Variants in SYNJ2 observed in about 807,000 individuals in gnomAD.
The protein encoded by SYNJ2 is synaptojanin 2.
A neutral mutation model predicts 141.3 loss-of-function variants in SYNJ2; 116 were observed. The ratio of observed to expected loss-of-function variants is 0.82; its 90% CI spans 0.71 to 0.96. SYNJ2 has a LOEUF of 0.96. Among genes scored for constraint, SYNJ2 ranks in the 40% least tolerant of loss-of-function variants. The probability of loss-of-function intolerance (pLI) is 0.00; values close to 1 mark genes in which losing one functional copy is unlikely to be tolerated. For synonymous variants in SYNJ2, 745 were observed against 777.7 expected (o/e 0.96, Z 0.70); for missense variants, 1,873 against 1,934.8 (o/e 0.97, Z 0.60).
At chr6:157,992,401 C>CTTTT (rs57905567) in intron 1 of SYNJ2, among the ~76,000 whole-genome samples, 16 of 120,384 alleles carry the variant, frequency 1.3e-4, no homozygotes, top group Middle Eastern at 5.0e-3. Context: ...TGGCTTGTTT[C>CTTTT]TTTTTTTTTT....
At chr6:158,086,233 G>A (rs1783028345) in intron 22 of SYNJ2, among the ~76,000 whole-genome samples, 1 of 152,156 alleles carries the variant, frequency 6.6e-6, no homozygotes, top group African/African-American at 2.4e-5. Context: ...TGCTTTGGGG[G>A]AGCCCTAGGG....
At chr6:158,038,923 T>C (rs988355590) in intron 4 of SYNJ2, among the ~76,000 whole-genome samples, 2 of 152,284 alleles carry the variant, frequency 1.3e-5, no homozygotes, top group Non-Finnish European at 2.9e-5. Flanking sequence ...ACAGGTGAAC[T>C]GGAAGAGCAG....
At chr6:158,062,316 C>T in intron 8 of SYNJ2, 152 bp downstream of exon 8, 1 of 1,279,364 alleles carries the variant, frequency 7.8e-7, no homozygotes, top group Non-Finnish European at 1.0e-6. Context: ...AGCTTCCTTC[C>T]CTCCCCACTC....
At chr6:158,080,198 T>C (rs1440179317) in intron 18 of SYNJ2, among the ~76,000 whole-genome samples, 2 of 152,152 alleles carry the variant, frequency 1.3e-5, no homozygotes, top group Non-Finnish European at 2.9e-5. Context: ...CATTTTGGCC[T>C]GGCGCAGTGG....
intron 23 of SYNJ2, 72 bp downstream of exon 23, chr6:158,087,061 C>G: frequency 6.5e-7 from 1 of 1,532,644 alleles, no homozygotes; most frequent in Admixed American, 1.8e-5. Flanking sequence ...CTACTGAAAA[C>G]ACGGCTCCGA....
rs1781474995 is a variant in SYNJ2, at chr6:158,064,987, C to T, written c.1521C>T (p.Leu507=). ...GCATGCTGCTGGACAGCACGGCGCT[C>T]CTGGGTAGGGCCTGCCGCAGACAGG... ...KGGMLLDSTA[L]LVTPRILKAM... is the part of the protein sequence containing the mutation. Residue 507 remains leucine, a synonymous_variant, in exon 11 of 27, where the codon CTC becomes CTT. Coordinates refer to ENST00000355585, the MANE Select transcript of SYNJ2 (RefSeq NM_003898.4). 6.4e-7 allele frequency: 1 copy of T among 1,569,714 alleles called. No individual in the cohort carries two copies. Among genetic ancestry groups the T allele is most frequent in the Non-Finnish European group, 8.6e-7 (1 of 1,156,260 alleles).
chr6:158,018,499 T>C (rs866874207), intron 2 of SYNJ2, among the ~76,000 whole-genome samples: 1 of 152,210 alleles, frequency 6.6e-6, no homozygotes, highest in Non-Finnish European at 1.5e-5. Flanking sequence ...TTTCAGAGAC[T>C]GAGGATGTTT....
At chr6:158,080,494 A>T (rs1295600497) in intron 18 of SYNJ2, among the ~76,000 whole-genome samples, 7 of 150,074 alleles carry the variant, frequency 4.7e-5, no homozygotes, top group Non-Finnish European at 8.9e-5. Context: ...AAAAAAAAAA[A>T]AACGAGCATT....
In SYNJ2 at chr6:158,083,521, C is replaced by T; in HGVS notation, c.2958C>T (p.Ala986=). 3.1e-6 allele frequency: 5 copies of T among 1,614,130 alleles called. No homozygotes were observed. The highest frequency in any genetic ancestry group is 4.2e-6 in the Non-Finnish European group (5 of 1,180,028). The change falls in exon 21 of 27, where the codon GCC becomes GCT. Residue 986 remains alanine (A), a synonymous_variant. Coordinates refer to ENST00000355585, the MANE Select transcript of SYNJ2 (RefSeq NM_003898.4). ...EEIIRKRDSM[A]PVSPTANSCL... The stretch of plus-strand genomic sequence containing the variant: ...TCATTCGGAAACGAGACAGCATGGC[C>T]CCCGTGTCTCCCACTGCCAACTCCT...
chr6:158,057,621 A>G (rs1780948634), intron 6 of SYNJ2, among the ~76,000 whole-genome samples: 2 of 152,246 alleles, frequency 1.3e-5, no homozygotes, highest in African/African-American at 2.4e-5. Context: ...AATAGTGAGT[A>G]ATAATGAGTA....
chr6:158,081,051 C>T (rs1196601677), intron 18 of SYNJ2, 58 bp from the exon 19 acceptor site: 21 of 1,536,028 alleles, frequency 1.4e-5, no homozygotes, highest in Admixed American at 1.7e-5. Context: ...GACTGGAGGC[C>T]GGGGGTGTGG....
intron 24 of SYNJ2, 27 bp from the exon 25 acceptor site, chr6:158,089,812 T>C (rs763995641): frequency 6.3e-7 from 1 of 1,580,462 alleles, no homozygotes; most frequent in Non-Finnish European, 8.7e-7. Context: ...CTGCTGATAC[T>C]CTGCTCTTCC....
At chr6:158,067,882 C>T (rs1456768767) in intron 12 of SYNJ2, 15 of 985,186 alleles carry the variant, frequency 1.5e-5, no homozygotes, top group Admixed American at 6.2e-5. Flanking sequence ...CCCATCAACG[C>T]GGAGAGTGCT....
At chr6:158,094,275 C>A (rs992809776) in intron 26 of SYNJ2, among the ~76,000 whole-genome samples, 1 of 151,786 alleles carries the variant, frequency 6.6e-6, no homozygotes, top group African/African-American at 2.4e-5. Context: ...TCCCAATAAA[C>A]CCATCGTAAG....
At chr6:158,091,442 TA>T (rs933160748) in intron 25 of SYNJ2, among the ~76,000 whole-genome samples, 102 of 144,158 alleles carry the variant, frequency 7.1e-4, no homozygotes, top group Middle Eastern at 3.5e-3. Flanking sequence ...GTTCAGCCAT[TA>T]AAAAAAAAAA....
intron 24 of SYNJ2, among the ~76,000 whole-genome samples, chr6:158,089,127 A>G (rs1393940015): frequency 6.6e-6 from 1 of 152,130 alleles, no homozygotes; most frequent in African/African-American, 2.4e-5. Context: ...GAAAATGATG[A>G]TCATTCTGGA....
Position 158,096,059 on chromosome 6 carries a change from G to A in SYNJ2, c.4186G>A (p.Gly1396Ser). ...TSSATSPDSD[G>S]TKAMKPEAAP... ...ATCTGCTACAAGCCCCGACAGCGAT[G>A]GCACCAAAGCGATGAAGCCAGAGGC... Residue 1396 changes from glycine (G) to serine (S), a missense_variant, in exon 27 of 27, where the codon GGC (glycine) becomes AGC (serine). Physicochemically the swap from Gly to Ser is moderately conservative, Grantham distance 56. Coordinates refer to ENST00000355585, the MANE Select transcript of SYNJ2 (RefSeq NM_003898.4). The A allele has an allele frequency of 6.2e-7, 1 of 1,614,220 alleles. No individual in the cohort carries two copies. Among genetic ancestry groups the A allele is most frequent in the Non-Finnish European group, 8.5e-7 (1 of 1,180,040 alleles).
chr6:158,037,602 C>T (rs1213638384), intron 4 of SYNJ2, among the ~76,000 whole-genome samples: 2 of 151,890 alleles, frequency 1.3e-5, no homozygotes, highest in Admixed American at 6.6e-5. Context: ...AGGGTTTCAC[C>T]GTGTTAGCCA....
intron 20 of SYNJ2, among the ~76,000 whole-genome samples, chr6:158,081,938 GC>G (rs1324089291): frequency 1.3e-5 from 2 of 152,162 alleles, no homozygotes; most frequent in African/African-American, 4.8e-5. Context: ...ACAGGCATGA[GC>G]TTTCATGCCT....
Sources: gnomAD v4.1 joint callset for allele counts (sites outside exome capture counted in the v4.1 genomes callset) on GRCh38, gnomAD v4.1.1 for gene constraint, MANE v1.5 for transcripts, NCBI Gene and HGNC (gene_info 2026-07-23, HGNC 2026-07-21) for gene names.